RELN: variants seen among roughly 807,000 people sequenced by gnomAD.
RELN encodes reelin.
RELN carries 108 observed loss-of-function variants against 427.6 expected under a neutral mutation model. That is an observed-to-expected ratio of 0.25 (90% CI 0.22 to 0.30). RELN has a LOEUF of 0.30. Ranked by LOEUF, RELN falls within the 10% of genes least tolerant of loss-of-function variation. The pLI, the probability that RELN is intolerant of heterozygous loss-of-function variation, is 1.00. For missense variants in RELN, 3,715 were observed against 4,302.8 expected, an observed-to-expected ratio of 0.86 and a Z score of 3.82; for synonymous variants, 1,524 against 1,513.4, an observed-to-expected ratio of 1.01 and a Z score of -0.16.
intron 3 of RELN, among the ~76,000 whole-genome samples, chr7:103,820,723 C>T (rs1279474001): frequency 6.6e-6 from 1 of 152,016 alleles, no homozygotes; most frequent in Non-Finnish European, 1.5e-5. Context: ...TCATTATGAA[C>T]AGCTCTATTA....
At chr7:103,764,785 G>A (rs574576742) in intron 4 of RELN, among the ~76,000 whole-genome samples, 1 of 145,746 alleles carries the variant, frequency 6.9e-6, no homozygotes, top group East Asian at 2.0e-4. Flanking sequence ...GCAGTAAGCC[G>A]AGATCGCACC....
chr7:103,630,615 T>C (rs1420384294), intron 19 of RELN, among the ~76,000 whole-genome samples: 2 of 152,118 alleles, frequency 1.3e-5, no homozygotes. Context: ...TTAAGAATAA[T>C]ATCTAATTTC....
Position 103,572,213 on chromosome 7 carries a change from G to A in RELN, c.4559C>T (p.Thr1520Ile). The A allele has an allele frequency of 6.3e-7, 1 of 1,596,204 alleles. No homozygotes were observed. Among genetic ancestry groups the A allele is most frequent in the Non-Finnish European group, 8.6e-7 (1 of 1,163,740 alleles). The change falls in exon 31 of 65, where the codon ACC (threonine) becomes ATC (isoleucine). Residue 1520 changes from threonine (T) to isoleucine (I), a missense_variant. By Grantham distance (89) the Thr-to-Ile change is moderately conservative. Transcript: ENST00000428762. ...IQIGSKTSGI[T>I]CIKPRTRNEG... ...ATTTCTAGTTCTTGGTTTGATGCAG[G>A]TAATGCCTGAAGTTTTGCTTCCAAT...
chr7:103,754,590 T>C (rs1791086858), intron 4 of RELN, among the ~76,000 whole-genome samples: 1 of 148,688 alleles, frequency 6.7e-6, no homozygotes, highest in South Asian at 2.2e-4. Flanking sequence ...CTGAGCAATA[T>C]AGTAGGAGAC....
chr7:103,677,719 T>C (rs1420671484), intron 11 of RELN, among the ~76,000 whole-genome samples: 1 of 123,858 alleles, frequency 8.1e-6, no homozygotes, highest in Non-Finnish European at 1.6e-5. Context: ...TAAGCTGATA[T>C]AGCACCACTG....
Position 103,496,627 on chromosome 7 carries a change from A to G in RELN, c.9092T>C (p.Ile3031Thr), listed in dbSNP as rs1316780213. 20 of 1,614,086 alleles carry G rather than the reference A, an allele frequency of 1.2e-5. No individual in the cohort carries two copies. Among genetic ancestry groups the G allele is most frequent in the Non-Finnish European group, 1.6e-5 (19 of 1,180,028 alleles). ...WWQPFVISNG[I>T]VVSGVERAQW... ...AGCACGCTCCACCCCAGAGACCACA[A>G]TTCCATTGCTGATCACAAAAGGCTG... Residue 3031 changes from isoleucine (I) to threonine (T), a missense_variant, in exon 56 of 65, where the codon ATT becomes ACT. This residue lies in a region of RELN where 1,310 missense variants were observed against 1,643.0 expected (regional missense o/e 0.80). Coordinates refer to ENST00000428762, the MANE Select transcript of RELN (RefSeq NM_005045.4).
In RELN at chr7:103,553,646, T is replaced by G. The variant is rs763300730; in HGVS notation, c.5969+14A>C. On this transcript the variant is annotated intron_variant, in intron 39 of 64. Transcript: ENST00000428762. ...ATACAGCAGTGGTTTTATTTTTAGA[T>G]TCTTAATACTTACGGTGCCCCCTTT... 1.4e-5 allele frequency: 22 copies of G among 1,613,802 alleles called. No individual in the cohort carries two copies. Among genetic ancestry groups the G allele is most frequent in the Non-Finnish European group, 1.7e-6 (2 of 1,179,858 alleles).
intron 5 of RELN, among the ~76,000 whole-genome samples, chr7:103,749,800 G>T (rs1790948493): frequency 6.6e-6 from 1 of 152,176 alleles, no homozygotes; most frequent in Non-Finnish European, 1.5e-5. Context: ...ACAAGGAGAG[G>T]CTATTCGGGA....
intron 2 of RELN, among the ~76,000 whole-genome samples, chr7:103,869,604 T>C (rs899030098): frequency 6.6e-6 from 1 of 152,112 alleles, no homozygotes; most frequent in African/African-American, 2.4e-5. Context: ...CTGGCTTCCA[T>C]TGTTTCTGAT....
At chr7:103,972,577 A>G (rs184973004) in intron 1 of RELN, among the ~76,000 whole-genome samples, 113 of 152,294 alleles carry the variant, frequency 7.4e-4, no homozygotes, top group African/African-American at 2.6e-3. Context: ...CCCCATCACA[A>G]TGACTGGCGT....
At chr7:103,585,502 G>A (rs1455994116) in intron 28 of RELN, among the ~76,000 whole-genome samples, 1 of 152,082 alleles carries the variant, frequency 6.6e-6, no homozygotes, top group Non-Finnish European at 1.5e-5. Flanking sequence ...GCATTAACTA[G>A]GAAGAAATAG....
intron 11 of RELN, among the ~76,000 whole-genome samples, chr7:103,679,721 G>A (rs1194980297): frequency 6.6e-6 from 1 of 151,886 alleles, no homozygotes; most frequent in Non-Finnish European, 1.5e-5. Flanking sequence ...TGGGGGAAAT[G>A]ATCGATTTAG....
intron 31 of RELN, among the ~76,000 whole-genome samples, chr7:103,571,132 G>A (rs911840811): frequency 2.6e-5 from 4 of 152,194 alleles, no homozygotes; most frequent in Non-Finnish European, 4.4e-5. Flanking sequence ...GAAATGGAGA[G>A]CTGATGAACA....
At chr7:103,861,842 G>C (rs573637062) in intron 2 of RELN, among the ~76,000 whole-genome samples, 2 of 152,276 alleles carry the variant, frequency 1.3e-5, no homozygotes, top group East Asian at 1.9e-4. Flanking sequence ...ATAAAGTTTG[G>C]TGATGAAGGA....
chr7:103,916,214 A>T (rs1033091582), intron 2 of RELN, among the ~76,000 whole-genome samples: 1 of 152,168 alleles, frequency 6.6e-6, no homozygotes, highest in South Asian at 2.1e-4. Flanking sequence ...GACACTTCAT[A>T]TATCAAAAGG....
intron 6 of RELN, among the ~76,000 whole-genome samples, chr7:103,741,458 T>A (rs550146703): frequency 6.6e-6 from 1 of 152,020 alleles, no homozygotes; most frequent in South Asian, 2.1e-4. Flanking sequence ...TTAAATAAAT[T>A]AGCTTAAGAT....
rs942482890 is a variant in RELN at position 103,515,370 on chromosome 7, T to G, written c.7934A>C (p.His2645Pro). The G allele has an allele frequency of 6.2e-7, 1 of 1,614,166 alleles. No homozygotes were observed. Among genetic ancestry groups the G allele is most frequent in the African/African-American group, 1.3e-5 (1 of 75,048 alleles). The change falls in exon 50 of 65, where the codon CAT (histidine) becomes CCT (proline). Residue 2645 changes from histidine (H) to proline (P), a missense_variant. Coordinates refer to ENST00000428762, the MANE Select transcript of RELN (RefSeq NM_005045.4). ...CCAGTCGTTCTGATCCAGGCCGTCA[T>G]GTCTTGGCTGCCACCAGCGGAAGCG... ...ATRFRWWQPR[H>P]DGLDQNDWAI...
chr7:103,900,089 C>T (rs1164962028), intron 2 of RELN, among the ~76,000 whole-genome samples: 1 of 152,214 alleles, frequency 6.6e-6, no homozygotes, highest in South Asian at 2.1e-4. Context: ...TGATTAGCAA[C>T]TTCAGCAAAG....
At chr7:103,932,079 C>G (rs1584378844) in intron 1 of RELN, among the ~76,000 whole-genome samples, 1 of 152,146 alleles carries the variant, frequency 6.6e-6, no homozygotes, top group Non-Finnish European at 1.5e-5. Flanking sequence ...ATAAAGACAC[C>G]TGCACACATA....
Sources: allele counts gnomAD v4.1 joint callset (sites outside exome capture counted in the v4.1 genomes callset), GRCh38; gene constraint gnomAD v4.1.1; regional missense constraint gnomAD v4.1.1; transcripts MANE v1.5; gene names NCBI Gene and HGNC (gene_info 2026-07-23, HGNC 2026-07-21).